Variants in AMBRA1 observed in about 807,000 individuals in gnomAD.
AMBRA1 encodes the protein activating molecule in BECN1-regulated autophagy protein 1.
AMBRA1 carries 47 observed loss-of-function variants against 125.4 expected under a neutral mutation model. The observed-to-expected ratio is 0.37, with a 90% confidence interval of 0.30 to 0.48. The LOEUF is 0.48. Ranked by LOEUF, AMBRA1 falls within the 20% of genes least tolerant of loss-of-function variation. The pLI, the probability that AMBRA1 is intolerant of heterozygous loss-of-function variation, is 0.99. For missense variants in AMBRA1, 1,331 were observed against 1,693.4 expected, an observed-to-expected ratio of 0.79 and a Z score of 3.76; for synonymous variants, 626 against 655.5, an observed-to-expected ratio of 0.95 and a Z score of 0.69.
At chr11:46,571,965 G>A (rs1169466922) in intron 1 of AMBRA1, among the ~76,000 whole-genome samples, 1 of 152,210 alleles carries the variant, frequency 6.6e-6, no homozygotes, top group East Asian at 1.9e-4. Flanking sequence ...TGAGATTACA[G>A]GCTTAAGCCA....
intron 1 of AMBRA1, among the ~76,000 whole-genome samples, chr11:46,551,433 C>T (rs1210405969): frequency 6.6e-6 from 1 of 152,114 alleles, no homozygotes; most frequent in Non-Finnish European, 1.5e-5. Flanking sequence ...CTGCCTCAGC[C>T]TCCAGAGTAG....
intron 16 of AMBRA1, 41 bp downstream of exon 16, chr11:46,410,235 G>T (rs1397158330): frequency 6.3e-7 from 1 of 1,594,758 alleles, no homozygotes; most frequent in East Asian, 2.2e-5. Flanking sequence ...GGAAGGGATG[G>T]GCCTCCAGCC....
At chr11:46,522,658 T>C (rs751615485) in intron 7 of AMBRA1, among the ~76,000 whole-genome samples, 68 of 152,224 alleles carry the variant, frequency 4.5e-4, no homozygotes, top group Non-Finnish European at 7.8e-4. Context: ...ATTTATTGAA[T>C]TCCATAATGT....
intron 11 of AMBRA1, among the ~76,000 whole-genome samples, chr11:46,467,799 G>C (rs1165220082): frequency 6.6e-6 from 1 of 152,156 alleles, no homozygotes; most frequent in Non-Finnish European, 1.5e-5. Flanking sequence ...GGGATTATAG[G>C]TGTGAGCCAC....
chr11:46,427,439 A>G (rs1947197626), intron 14 of AMBRA1, among the ~76,000 whole-genome samples: 2 of 152,234 alleles, frequency 1.3e-5, no homozygotes, highest in Admixed American at 1.3e-4. Context: ...CAAGAACAAA[A>G]GCGGAAAGGA....
At chr11:46,401,751 T>C (rs943966989) in intron 17 of AMBRA1, among the ~76,000 whole-genome samples, 1 of 152,250 alleles carries the variant, frequency 6.6e-6, no homozygotes. Context: ...TAACTGGGCT[T>C]CTTGCTTCCA....
At chr11:46,523,058 T>C (rs1282331719) in intron 7 of AMBRA1, among the ~76,000 whole-genome samples, 1 of 152,172 alleles carries the variant, frequency 6.6e-6, no homozygotes, top group Non-Finnish European at 1.5e-5. Context: ...TCCCAGCTCA[T>C]ATCTGTCCAT....
chr11:46,439,314 G>C (rs1443033953), intron 12 of AMBRA1, among the ~76,000 whole-genome samples: 1 of 152,098 alleles, frequency 6.6e-6, no homozygotes, highest in Non-Finnish European at 1.5e-5. Context: ...AAACCTCAAA[G>C]ATTAAACTCA....
chr11:46,531,240 G>A (rs765108678), intron 7 of AMBRA1, among the ~76,000 whole-genome samples: 1 of 152,004 alleles, frequency 6.6e-6, no homozygotes, highest in African/African-American at 2.4e-5. Context: ...CAGCAAAGTT[G>A]AGTAATTGCA....
chr11:46,547,222 G>C lies in AMBRA1; in HGVS notation c.269C>G (p.Ser90Cys). The C allele has an allele frequency of 6.2e-7, 1 of 1,614,118 alleles. No homozygotes were observed. Among genetic ancestry groups the C allele is most frequent in the Non-Finnish European group, 8.5e-7 (1 of 1,180,022 alleles). The change falls in exon 4 of 18, where the codon TCC (serine) becomes TGC (cysteine). Residue 90 changes from serine to cysteine, a missense_variant. By Grantham distance (112) the Ser-to-Cys change is moderately radical. Coordinates refer to ENST00000683756, the MANE Select transcript of AMBRA1 (RefSeq NM_001387011.1). ...TEVKTGKCVHSLIGHRRTPWC... is the reference protein window; with the variant it reads ...TEVKTGKCVHCLIGHRRTPWC... The stretch of plus-strand genomic sequence containing the variant: ...TGGAGTACGGCGGTGTCCAATCAGG[G>C]AATGAACACACTTGCCAGTCTTCAC...
chr11:46,566,254 C>T (rs1043064083), intron 1 of AMBRA1, among the ~76,000 whole-genome samples: 8 of 152,064 alleles, frequency 5.3e-5, no homozygotes, highest in Non-Finnish European at 1.0e-4. Flanking sequence ...CCCGTCTCTA[C>T]TAAAAATACA....
chr11:46,493,245 A>G (rs904919480), intron 11 of AMBRA1, among the ~76,000 whole-genome samples: 1 of 152,170 alleles, frequency 6.6e-6, no homozygotes, highest in Non-Finnish European at 1.5e-5. Flanking sequence ...GCTCCTAATT[A>G]AATCACAGGA....
At chr11:46,508,081 TGAG>T in intron 9 of AMBRA1, 107 bp downstream of exon 9, 9 of 1,142,024 alleles carry the variant, frequency 7.9e-6, no homozygotes, top group Non-Finnish European at 1.1e-5. Context: ...AAATAATAAT[TGAG>T]GAGTTGGGAG....
At position 46,457,738 on chromosome 11, in the gene AMBRA1, T is replaced by G. The variant is rs551043542; in HGVS notation, c.2522-14140A>C. Among the ~76,000 whole-genome samples the G allele has an allele frequency of 2.6e-5, 4 of 152,078 alleles. No homozygotes were observed. The South Asian group carries it at 8.3e-4, about 32-fold the overall frequency. On this transcript the variant is annotated intron_variant, in intron 11 of 17. Transcript: ENST00000683756. ...CAACATAGTAAAACCCCGTCTCTAC[T>G]AAAAATACAAAAAATGAACCAGGTG...
intron 1 of AMBRA1, among the ~76,000 whole-genome samples, chr11:46,584,379 G>C (rs1306644353): frequency 1.9e-5 from 2 of 104,228 alleles, no homozygotes; most frequent in African/African-American, 3.7e-5. Flanking sequence ...GTTGTGGGGT[G>C]GGGGGAGGGG....
At chr11:46,577,255 C>CA (rs2043990017) in intron 1 of AMBRA1, among the ~76,000 whole-genome samples, 1 of 152,108 alleles carries the variant, frequency 6.6e-6, no homozygotes, top group South Asian at 2.1e-4. Context: ...TGTATACACA[C>CA]AATGGAATAT....
intron 1 of AMBRA1, among the ~76,000 whole-genome samples, chr11:46,592,156 A>T (rs946410098): frequency 6.6e-6 from 1 of 151,652 alleles, no homozygotes; most frequent in Non-Finnish European, 1.5e-5. Flanking sequence ...GCTGGTCTCG[A>T]ATTTCCGACC....
intron 11 of AMBRA1, among the ~76,000 whole-genome samples, chr11:46,471,662 T>A (rs894690541): frequency 3.3e-5 from 5 of 151,554 alleles, no homozygotes; most frequent in Non-Finnish European, 5.9e-5. Flanking sequence ...GGAGTCTTGC[T>A]CTGTTGCCAG....
At chr11:46,462,759 C>A in intron 11 of AMBRA1, among the ~76,000 whole-genome samples, 1 of 148,182 alleles carries the variant, frequency 6.7e-6, no homozygotes, top group South Asian at 2.2e-4. Context: ...CACCCCCCTC[C>A]TTTTTTTTTT....
Sources: allele counts gnomAD v4.1 joint callset (sites outside exome capture counted in the v4.1 genomes callset), GRCh38; gene constraint gnomAD v4.1.1; transcripts MANE v1.5; gene names NCBI Gene and HGNC (gene_info 2026-07-23, HGNC 2026-07-21).